The following DPP10 variants were observed in gnomAD, a reference collection of about 807,000 sequenced individuals.
DPP10 encodes the protein inactive dipeptidyl peptidase 10.
A neutral mutation model predicts 120.9 loss-of-function variants in DPP10; 33 were observed. The observed-to-expected ratio is 0.27, with a 90% CI of 0.21 to 0.37. The LOEUF (loss-of-function observed/expected upper bound fraction) is 0.37. Ranked by LOEUF, DPP10 falls within the 10% of genes least tolerant of loss-of-function variation. The pLI, the probability that DPP10 is intolerant of heterozygous loss-of-function variation, is 1.00. For synonymous variants in DPP10, 337 were observed against 326.1 expected, an observed-to-expected ratio of 1.03 and a Z score of -0.36; for missense variants, 816 against 942.8, an observed-to-expected ratio of 0.87 and a Z score of 1.76.
chr2:115,150,353 C>G (rs899361521), intron 1 of DPP10, among the ~76,000 whole-genome samples: 1 of 152,134 alleles, frequency 6.6e-6, no homozygotes, highest in Non-Finnish European at 1.5e-5. Context: ...TCTAAAGGAA[C>G]ATCTTCTATT....
chr2:115,250,374 C>A (rs1381483940), intron 1 of DPP10, among the ~76,000 whole-genome samples: 1 of 152,124 alleles, frequency 6.6e-6, no homozygotes, highest in Non-Finnish European at 1.5e-5. Flanking sequence ...GAAGTTAAAA[C>A]CTTAAAAGTT....
At chr2:114,770,202 C>T (rs569830601) in intron 1 of DPP10, among the ~76,000 whole-genome samples, 2 of 152,256 alleles carry the variant, frequency 1.3e-5, no homozygotes, top group African/African-American at 4.8e-5. Flanking sequence ...TCCTGCCTCT[C>T]TGGGGAAGAG....
At chr2:115,026,924 T>G (rs975103829) in intron 1 of DPP10, among the ~76,000 whole-genome samples, 1 of 152,328 alleles carries the variant, frequency 6.6e-6, no homozygotes. Flanking sequence ...TATTGTAATT[T>G]TAGCAATATT....
intron 1 of DPP10, among the ~76,000 whole-genome samples, chr2:114,560,502 C>T (rs116141160): frequency 7.8e-4 from 119 of 152,256 alleles, no homozygotes; most frequent in African/African-American, 2.8e-3. Flanking sequence ...GTCAGGTAGT[C>T]AGGCCTTTGC....
At chr2:115,379,241 G>T (rs1427804837) in intron 3 of DPP10, among the ~76,000 whole-genome samples, 1 of 152,264 alleles carries the variant, frequency 6.6e-6, no homozygotes, top group East Asian at 1.9e-4. Context: ...CCTGTTATTG[G>T]TCTATTCAGA....
chr2:114,920,820 T>C (rs578234507), intron 1 of DPP10, among the ~76,000 whole-genome samples: 1 of 152,190 alleles, frequency 6.6e-6, no homozygotes, highest in Non-Finnish European at 1.5e-5. Flanking sequence ...CCCAGTCTAC[T>C]CAAGAACAGT....
At chr2:114,479,576 C>T (rs529345250) in intron 1 of DPP10, among the ~76,000 whole-genome samples, 3 of 152,274 alleles carry the variant, frequency 2.0e-5, no homozygotes, top group South Asian at 4.1e-4. Flanking sequence ...CTACAACTAT[C>T]TGATCTTTGA....
chr2:115,719,741 T>C (rs953229181), intron 7 of DPP10, among the ~76,000 whole-genome samples: 5 of 152,210 alleles, frequency 3.3e-5, no homozygotes, highest in Admixed American at 2.6e-4. Context: ...AATGCTGATA[T>C]ATATTCTATA....
intron 1 of DPP10, among the ~76,000 whole-genome samples, chr2:115,094,928 C>T (rs117828461): frequency 6.6e-6 from 1 of 152,260 alleles, no homozygotes; most frequent in East Asian, 1.9e-4. Context: ...CTATTTGTAA[C>T]TCACAAGCCA....
chr2:114,757,349 G>T (rs1452272110), intron 1 of DPP10, among the ~76,000 whole-genome samples: 1 of 140,288 alleles, frequency 7.1e-6, no homozygotes, highest in African/African-American at 2.7e-5. Context: ...GAGAAGTAGG[G>T]AGAGGGGGAG....
chr2:115,402,871 ATATATG>A (rs1401945524), intron 3 of DPP10, among the ~76,000 whole-genome samples: 13 of 136,888 alleles, frequency 9.5e-5, no homozygotes, highest in African/African-American at 2.2e-4. Flanking sequence ...ATATATATAT[ATATATG>A]TGTGTGTGTG....
chr2:115,181,296 A>G (rs994148267), intron 1 of DPP10, among the ~76,000 whole-genome samples: 2 of 152,194 alleles, frequency 1.3e-5, no homozygotes, highest in African/African-American at 2.4e-5. Flanking sequence ...CTGTTACTTC[A>G]TATCATATCA....
chr2:115,070,919 G>T (rs942582483), intron 1 of DPP10, among the ~76,000 whole-genome samples: 1 of 152,010 alleles, frequency 6.6e-6, no homozygotes, highest in African/African-American at 2.4e-5. Context: ...TTGGCTTTAG[G>T]CGTGAAATTT....
At chr2:115,701,080 A>G (rs953503092) in intron 7 of DPP10, among the ~76,000 whole-genome samples, 3 of 152,138 alleles carry the variant, frequency 2.0e-5, no homozygotes, top group African/African-American at 7.2e-5. Context: ...TTGCAGATAT[A>G]GAAAAGCCTA....
At chr2:114,817,467 A>G (rs1454678763) in intron 1 of DPP10, among the ~76,000 whole-genome samples, 1 of 152,212 alleles carries the variant, frequency 6.6e-6, no homozygotes, top group African/African-American at 2.4e-5. Context: ...CCTGTAGGCT[A>G]GAAGTCTTAG....
chr2:114,565,868 A>G (rs1163731977), intron 1 of DPP10, among the ~76,000 whole-genome samples: 2 of 152,238 alleles, frequency 1.3e-5, no homozygotes, highest in East Asian at 3.8e-4. Context: ...CACTTAACTC[A>G]TAGAATAGAT....
chr2:114,863,045 A>AGT lies in DPP10; in HGVS notation c.60+420221_60+420222dup, dbSNP rs143892772. On this transcript the variant is annotated intron_variant, in intron 1 of 25. Transcript: ENST00000410059. ...GTACATATGTGTTTGCCAGGGAAAA[A>AGT]GTGTGTGTGTGTGTGCATGCACACG... is the stretch of plus-strand genomic sequence containing the variant. 2.5e-4 allele frequency among the ~76,000 whole-genome samples: 38 copies of AGT among 151,634 alleles called. No homozygotes were observed. The South Asian group carries it at 5.0e-3, about 20-fold the overall frequency.
intron 1 of DPP10, among the ~76,000 whole-genome samples, chr2:114,542,615 G>C (rs1687047584): frequency 6.6e-6 from 1 of 152,192 alleles, no homozygotes; most frequent in Non-Finnish European, 1.5e-5. Context: ...GCCTTCAGTT[G>C]TGGTTGAATC....
intron 5 of DPP10, among the ~76,000 whole-genome samples, chr2:115,625,264 A>G (rs1026790207): frequency 5.3e-5 from 8 of 152,136 alleles, no homozygotes; most frequent in African/African-American, 1.9e-4. Flanking sequence ...TATCTTCACA[A>G]ATCTTTGAAA....
Sources: gnomAD v4.1 joint callset for allele counts (sites outside exome capture counted in the v4.1 genomes callset) on GRCh38, gnomAD v4.1.1 for gene constraint, MANE v1.5 for transcripts, NCBI Gene and HGNC (gene_info 2026-07-23, HGNC 2026-07-21) for gene names.